Variants in EEF2K observed in about 807,000 individuals in gnomAD.
The protein encoded by EEF2K is alternative protein EEF2K.
Under a neutral mutation model 93.8 loss-of-function variants are expected in EEF2K, and 70 were observed. The ratio of observed to expected loss-of-function variants is 0.75; its 90% CI spans 0.62 to 0.91. The LOEUF is 0.91. Ranked by LOEUF, EEF2K falls within the 40% of genes least tolerant of loss-of-function variation. EEF2K has a pLI of 0.00. For synonymous variants in EEF2K, 376 were observed against 380.8 expected (o/e 0.99, Z 0.15); for missense variants, 935 against 972.9 (o/e 0.96, Z 0.52).
At chr16:22,215,512 A>T (rs74324880) in intron 1 of EEF2K, among the ~76,000 whole-genome samples, 1 of 152,174 alleles carries the variant, frequency 6.6e-6, no homozygotes, top group African/African-American at 2.4e-5. Flanking sequence ...TTCTCTCAAT[A>T]GTTTAAATAA....
At chr16:22,226,101 T>C in intron 2 of EEF2K, 126 bp downstream of exon 2, 2 of 1,359,388 alleles carry the variant, frequency 1.5e-6, no homozygotes, top group Non-Finnish European at 2.0e-6. Flanking sequence ...AACTCTGAGC[T>C]GAGGATATAC....
rs929158990 is a variant in EEF2K, at chr16:22,222,764, G to A, written c.-76-2890G>A. Among the ~76,000 whole-genome samples the A allele has an allele frequency of 8.7e-5, 13 of 150,194 alleles. 1 individual carries two copies. The highest frequency in any genetic ancestry group is 7.3e-4 in the Admixed American group (11 of 14,980). On this transcript the variant is annotated intron_variant, in intron 1 of 17. Coordinates refer to ENST00000263026, the MANE Select transcript of EEF2K (RefSeq NM_013302.5). ...CTGGGCACAGTGGTGCGTGTCTGTA[G>A]TCCCAGCTATTTGGGAGGCTGAGGC...
intron 8 of EEF2K, 110 bp from the exon 9 acceptor site, chr16:22,257,533 C>T: frequency 6.5e-7 from 1 of 1,550,018 alleles, no homozygotes; most frequent in Non-Finnish European, 8.7e-7. Flanking sequence ...CTGATGCCTC[C>T]CAGCTTGGCA....
In EEF2K at chr16:22,225,967, C is replaced by T. The variant is rs749406749; in HGVS notation, c.238C>T (p.His80Tyr). The change falls in exon 2 of 18, where the codon CAC becomes TAC. Residue 80 changes from histidine to tyrosine, a missense_variant. Coordinates refer to ENST00000263026, the MANE Select transcript of EEF2K (RefSeq NM_013302.5). ...SSSGSPANSF[H>Y]FKEAWKHAIQ... ...CAGCGGGTCCCCGGCAAACTCCTTC[C>T]ACTTCAAGGTGAGTGAGCCACCTAT... The T allele has an allele frequency of 2.5e-6, 4 of 1,613,712 alleles. No homozygotes were observed. Among genetic ancestry groups the T allele is most frequent in the Admixed American group, 3.3e-5 (2 of 59,982 alleles).
At chr16:22,225,581 T>C in intron 1 of EEF2K, 73 bp from the exon 2 acceptor site, 1 of 1,235,212 alleles carries the variant, frequency 8.1e-7, no homozygotes, top group South Asian at 1.5e-5. Flanking sequence ...CCTGCAGCAT[T>C]TGGGGTGAGG....
chr16:22,253,533 A>G (rs1374916673), intron 6 of EEF2K, among the ~76,000 whole-genome samples: 2 of 152,030 alleles, frequency 1.3e-5, no homozygotes, highest in African/African-American at 4.8e-5. Context: ...GTGTCACCGT[A>G]ATTCTTGCAT....
intron 2 of EEF2K, among the ~76,000 whole-genome samples, chr16:22,241,636 C>CAAAAAAAAAAAA (rs71151666): frequency 2.0e-5 from 1 of 49,182 alleles, no homozygotes; most frequent in Non-Finnish European, 3.8e-5. Flanking sequence ...GAGACTGTCT[C>CAAAAAAAAAAAA]AAAAAAAAAA....
chr16:22,269,400 T>A (rs2047555125), intron 15 of EEF2K, among the ~76,000 whole-genome samples: 1 of 152,034 alleles, frequency 6.6e-6, no homozygotes, highest in African/African-American at 2.4e-5. Context: ...TGTGACCTCA[T>A]CTTAATATAA....
chr16:22,265,512 C>G (rs1374340934), intron 13 of EEF2K, among the ~76,000 whole-genome samples: 1 of 152,226 alleles, frequency 6.6e-6, no homozygotes, highest in African/African-American at 2.4e-5. Flanking sequence ...GGAGCCTTCC[C>G]TGGCCTCCAC....
At chr16:22,268,083 A>G (rs2047542362) in intron 15 of EEF2K, among the ~76,000 whole-genome samples, 1 of 151,908 alleles carries the variant, frequency 6.6e-6, no homozygotes, top group South Asian at 2.1e-4. Flanking sequence ...TGGATCTCAG[A>G]CTCGAGGGTG....
chr16:22,276,396 C>T (rs1006696734), intron 16 of EEF2K, among the ~76,000 whole-genome samples: 1 of 152,198 alleles, frequency 6.6e-6, no homozygotes, highest in African/African-American at 2.4e-5. Context: ...AAAAGTATTT[C>T]TTTATTGCTT....
At chr16:22,224,451 G>A (rs2047043092) in intron 1 of EEF2K, among the ~76,000 whole-genome samples, 1 of 150,908 alleles carries the variant, frequency 6.6e-6, no homozygotes, top group African/African-American at 2.4e-5. Context: ...GGCAACATAG[G>A]GAGACCCTGT....
At chr16:22,243,946 G>A (rs1486196570) in intron 2 of EEF2K, among the ~76,000 whole-genome samples, 2 of 124,696 alleles carry the variant, frequency 1.6e-5, no homozygotes. Context: ...AAAAAAAAGA[G>A]GCCGGGCACA....
intron 2 of EEF2K, among the ~76,000 whole-genome samples, chr16:22,237,337 C>A (rs1397149528): frequency 6.6e-6 from 1 of 151,852 alleles, no homozygotes; most frequent in African/African-American, 2.4e-5. Context: ...CTGGCACGGC[C>A]TTAAGAATCA....
intron 1 of EEF2K, among the ~76,000 whole-genome samples, chr16:22,216,157 TG>T (rs2046955940): frequency 6.6e-6 from 1 of 152,178 alleles, no homozygotes; most frequent in Admixed American, 6.6e-5. Context: ...GCCACTGTAT[TG>T]GGCTTTGGTT....
chr16:22,257,781 A>G lies in EEF2K; in HGVS notation c.1029+11A>G. 1 of 1,612,788 alleles carries G rather than the reference A, an allele frequency of 6.2e-7. No individual in the cohort carries two copies. Among genetic ancestry groups the G allele is most frequent in the Non-Finnish European group, 8.5e-7 (1 of 1,179,610 alleles). On this transcript the variant is annotated intron_variant, in intron 9 of 17. Coordinates refer to ENST00000263026, the MANE Select transcript of EEF2K (RefSeq NM_013302.5). ...AACACCAAGCTGCTGGTGGGTGCCC[A>G]GTGTGACCCTGCTTGGCCTGGCAGG... is the stretch of plus-strand genomic sequence containing the variant.
intron 3 of EEF2K, 49 bp downstream of exon 3, chr16:22,244,779 A>C: frequency 1.3e-6 from 2 of 1,594,198 alleles, no homozygotes; most frequent in South Asian, 2.2e-5. Flanking sequence ...CTATACGTCC[A>C]GCTTCTGTTC....
chr16:22,229,432 A>T (rs945672201), intron 2 of EEF2K, among the ~76,000 whole-genome samples: 1 of 152,148 alleles, frequency 6.6e-6, no homozygotes, highest in African/African-American at 2.4e-5. Context: ...AGACGGGGAG[A>T]AGCCGGGCGC....
intron 2 of EEF2K, among the ~76,000 whole-genome samples, chr16:22,232,894 C>T (rs1276898824): frequency 2.7e-5 from 4 of 150,230 alleles, no homozygotes; most frequent in Non-Finnish European, 5.9e-5. Context: ...TTTTTTTTAA[C>T]GCACTGTGAC....
Sources: allele counts gnomAD v4.1 joint callset (sites outside exome capture counted in the v4.1 genomes callset), GRCh38; gene constraint gnomAD v4.1.1; transcripts MANE v1.5; gene names NCBI Gene and HGNC (gene_info 2026-07-23, HGNC 2026-07-21).